The following GAB2 variants were observed in gnomAD, a reference collection of about 807,000 sequenced individuals.
The protein encoded by GAB2 is GRB2 associated binding protein 2.
In GAB2, 26 loss-of-function variants were observed where a neutral mutation model predicts 65.5. The observed-to-expected ratio is 0.40, with a 90% CI of 0.29 to 0.55. The LOEUF is 0.55. Among genes scored for constraint, GAB2 ranks in the 20% least tolerant of loss-of-function variants. GAB2 has a pLI of 0.53. For synonymous variants in GAB2, 321 were observed against 329.6 expected (o/e 0.97, Z 0.28); for missense variants, 884 against 875.8 (o/e 1.01, Z -0.12).
chr11:78,398,380 T>TG (rs1856929206), intron 1 of GAB2, among the ~76,000 whole-genome samples: 1 of 152,210 alleles, frequency 6.6e-6, no homozygotes, highest in Non-Finnish European at 1.5e-5. Flanking sequence ...AATGTTTAAC[T>TG]GGGGGAATGT....
At chr11:78,292,728 T>A (rs1288722885) in intron 1 of GAB2, among the ~76,000 whole-genome samples, 1 of 152,252 alleles carries the variant, frequency 6.6e-6, no homozygotes, top group Non-Finnish European at 1.5e-5. Flanking sequence ...CTTTTTGCTA[T>A]CCTTCCTCTA....
At chr11:78,373,517 C>CGTG (rs1213217796) in intron 1 of GAB2, among the ~76,000 whole-genome samples, 2 of 151,966 alleles carry the variant, frequency 1.3e-5, no homozygotes, top group African/African-American at 4.8e-5. Context: ...GGATTACAGG[C>CGTG]GTGAGCCACC....
At chr11:78,274,543 A>G (rs377591586) in intron 2 of GAB2, among the ~76,000 whole-genome samples, 2 of 152,334 alleles carry the variant, frequency 1.3e-5, no homozygotes, top group East Asian at 3.9e-4. Flanking sequence ...GAGAACAGAA[A>G]GTATTTTATC....
At chr11:78,368,678 C>A (rs191048777) in intron 1 of GAB2, among the ~76,000 whole-genome samples, 35 of 151,352 alleles carry the variant, frequency 2.3e-4, no homozygotes, top group African/African-American at 8.5e-4. Context: ...ATGTTTGTAA[C>A]AGAACTACAC....
At chr11:78,365,731 C>T (rs1856487972) in intron 1 of GAB2, among the ~76,000 whole-genome samples, 1 of 152,182 alleles carries the variant, frequency 6.6e-6, no homozygotes, top group Non-Finnish European at 1.5e-5. Context: ...CCAAGGAATG[C>T]TATTGTTGAG....
intron 1 of GAB2, among the ~76,000 whole-genome samples, chr11:78,333,408 A>G (rs551172973): frequency 6.6e-6 from 1 of 152,248 alleles, no homozygotes; most frequent in African/African-American, 2.4e-5. Context: ...GGACTACAGG[A>G]ATGCACCACC....
chr11:78,393,904 C>G (rs1228715078), intron 1 of GAB2, among the ~76,000 whole-genome samples: 1 of 152,176 alleles, frequency 6.6e-6, no homozygotes, highest in Non-Finnish European at 1.5e-5. Context: ...AAATAGAACT[C>G]ACAACTAAAG....
At chr11:78,381,774 A>G (rs1161286565) in intron 1 of GAB2, among the ~76,000 whole-genome samples, 1 of 152,242 alleles carries the variant, frequency 6.6e-6, no homozygotes. Flanking sequence ...ATGTACATAT[A>G]GAGTCACCAT....
At chr11:78,286,538 A>C (rs981269889) in intron 1 of GAB2, among the ~76,000 whole-genome samples, 2 of 152,112 alleles carry the variant, frequency 1.3e-5, no homozygotes, top group Non-Finnish European at 2.9e-5. Context: ...CAAAAACTAC[A>C]TGGCAGAGTG....
At chr11:78,307,182 T>G (rs898852870) in intron 1 of GAB2, among the ~76,000 whole-genome samples, 3 of 152,156 alleles carry the variant, frequency 2.0e-5, no homozygotes, top group African/African-American at 7.2e-5. Context: ...GAGTAGCCCA[T>G]GACAGCAACA....
At chr11:78,287,277 G>GT (rs1219348672) in intron 1 of GAB2, among the ~76,000 whole-genome samples, 3 of 152,064 alleles carry the variant, frequency 2.0e-5, no homozygotes, top group South Asian at 4.1e-4. Context: ...GTTATACTTA[G>GT]TTTTTTTTGG....
intron 1 of GAB2, among the ~76,000 whole-genome samples, chr11:78,401,648 AGT>A: frequency 6.6e-6 from 1 of 151,166 alleles, no homozygotes; most frequent in South Asian, 2.1e-4. Flanking sequence ...ACAGTATTCC[AGT>A]GTGTGTGCGT....
At chr11:78,374,428 G>C (rs10899487) in intron 1 of GAB2, among the ~76,000 whole-genome samples, 1 of 152,034 alleles carries the variant, frequency 6.6e-6, no homozygotes, top group African/African-American at 2.4e-5. Flanking sequence ...CTACAACAAA[G>C]GAAAGACTTG....
chr11:78,271,371 T>C (rs1202813477), intron 2 of GAB2, among the ~76,000 whole-genome samples: 2 of 152,224 alleles, frequency 1.3e-5, no homozygotes, highest in African/African-American at 4.8e-5. Flanking sequence ...ATATATGATA[T>C]AGCATCTTGA....
intron 3 of GAB2, among the ~76,000 whole-genome samples, chr11:78,242,549 CA>C (rs1322812207): frequency 6.6e-6 from 1 of 150,818 alleles, no homozygotes; most frequent in African/African-American, 2.4e-5. Context: ...TGTCTGGAAA[CA>C]AATGAAAATA....
At chr11:78,412,130 C>T (rs1857137860) in intron 1 of GAB2, among the ~76,000 whole-genome samples, 1 of 146,890 alleles carries the variant, frequency 6.8e-6, no homozygotes, top group Non-Finnish European at 1.5e-5. Flanking sequence ...AAGAGCAAAA[C>T]TCCATCTCAA....
At chr11:78,244,023 A>T (rs1385182055) in intron 3 of GAB2, among the ~76,000 whole-genome samples, 1 of 152,176 alleles carries the variant, frequency 6.6e-6, no homozygotes, top group Non-Finnish European at 1.5e-5. Flanking sequence ...AAAGTCTCCC[A>T]TCAAAAGCAA....
chr11:78,242,615 A>G (rs1258000872), intron 3 of GAB2, among the ~76,000 whole-genome samples: 2 of 152,244 alleles, frequency 1.3e-5, no homozygotes, highest in Non-Finnish European at 2.9e-5. Context: ...TTAATAGAGA[A>G]GTTTATGGCA....
In GAB2 at chr11:78,222,145, G is replaced by A. The variant is rs1011945000; in HGVS notation, c.1618C>T (p.Pro540Ser). 1.9e-6 allele frequency: 3 copies of A among 1,613,852 alleles called. No homozygotes were observed. Among genetic ancestry groups the A allele is most frequent in the Non-Finnish European group, 2.5e-6 (3 of 1,179,830 alleles). Residue 540 changes from proline (P) to serine (S), a missense_variant, in exon 7 of 10, where the codon CCC becomes TCC. Pro to Ser is a moderately conservative substitution (Grantham distance 74, BLOSUM62 -1). Transcript: ENST00000361507. The part of the protein sequence containing the change: ...LRNNTVIDEL[P>S]FKSPITKSWS... ...GACTTGGTGATAGGTGACTTGAAGG[G>A]GAGTTCATCGATGACGGTGTTGTTC...
Sources: allele counts gnomAD v4.1 joint callset (sites outside exome capture counted in the v4.1 genomes callset), GRCh38; gene constraint gnomAD v4.1.1; transcripts MANE v1.5; gene names NCBI Gene and HGNC (gene_info 2026-07-23, HGNC 2026-07-21).